The following DAB1 variants were observed in gnomAD, a reference collection of about 807,000 sequenced individuals.
The protein encoded by DAB1 is disabled homolog 1.
A neutral mutation model predicts 64.6 loss-of-function variants in DAB1; 15 were observed. The ratio of observed to expected loss-of-function variants is 0.23; its 90% CI spans 0.16 to 0.36. The LOEUF is 0.36. DAB1 is among the 10% of genes least tolerant of loss of function. DAB1 has a pLI of 1.00. For synonymous variants in DAB1, 235 were observed against 251.9 expected (o/e 0.93, Z 0.64); for missense variants, 596 against 706.7 (o/e 0.84, Z 1.78).
chr1:57,427,109 C>T (rs528525878), upstream of DAB1, among the ~76,000 whole-genome samples: 2 of 152,156 alleles, frequency 1.3e-5, no homozygotes, highest in East Asian at 3.9e-4. Context: ...ATGATCCACC[C>T]GCCTCGGCCT....
intron 2 of DAB1, among the ~76,000 whole-genome samples, chr1:57,285,493 G>A (rs975513859): frequency 6.6e-6 from 1 of 151,862 alleles, no homozygotes; most frequent in Non-Finnish European, 1.5e-5. Context: ...GGTTGGTCTC[G>A]AACACCTGAC....
intron 2 of DAB1, among the ~76,000 whole-genome samples, chr1:57,179,622 T>A (rs1045636099): frequency 5.9e-5 from 9 of 152,140 alleles, no homozygotes; most frequent in African/African-American, 2.2e-4. Flanking sequence ...ATGAACCAAT[T>A]TTTCCCTTGG....
rs145516218 is a variant in DAB1, at chr1:57,720,104, C to T, written n.552-70439G>A. Among the ~76,000 whole-genome samples the T allele has an allele frequency of 7.2e-5, 11 of 152,204 alleles. 1 individual carries two copies. In the East Asian group the frequency reaches 1.7e-3, roughly 24 times the overall value. ...ACTCCTCAAGAATCTCAGAGTTACA[C>T]AAAATTAATAAGACCAGCATACCTA... is the stretch of plus-strand genomic sequence containing the variant. On this transcript the variant is annotated intron_variant and non_coding_transcript_variant, in intron 6 of 20. Transcript: ENST00000485760.
intron 1 of DAB1, among the ~76,000 whole-genome samples, chr1:57,355,941 A>G (rs1474288769): frequency 6.6e-6 from 1 of 151,184 alleles, no homozygotes; most frequent in Non-Finnish European, 1.5e-5. Context: ...TAAGCATGCT[A>G]TTTTAAATTG....
At chr1:57,902,058 G>C (rs1353568267) in intron 5 of DAB1, among the ~76,000 whole-genome samples, 1 of 151,938 alleles carries the variant, frequency 6.6e-6, no homozygotes, top group South Asian at 2.1e-4. Context: ...TTGGGAGGCT[G>C]GGGTGGGAGG....
rs570022973 is a variant in DAB1 at position 57,930,011 on chromosome 1, G to C, written n.388-45849C>G. On this transcript the variant is annotated intron_variant and non_coding_transcript_variant, in intron 5 of 20. Transcript: ENST00000485760. Reference sequence around the variant, plus strand: ...ACAAACATTTAAACCATTACATGAAGCTTTATAGTTGTGAATTTTACATTT... The same window carrying C: ...ACAAACATTTAAACCATTACATGAACCTTTATAGTTGTGAATTTTACATTT... Among the ~76,000 whole-genome samples, 12 of 152,276 alleles carry C rather than the reference G, an allele frequency of 7.9e-5. No homozygotes were observed. In the East Asian group the frequency reaches 2.3e-3, roughly 29 times the overall value.
At chr1:58,322,657 T>C (rs1471577521) in intron 4 of DAB1, among the ~76,000 whole-genome samples, 1 of 152,316 alleles carries the variant, frequency 6.6e-6, no homozygotes, top group Non-Finnish European at 1.5e-5. Flanking sequence ...GTAAACTAGT[T>C]CAACCATTGT....
chr1:57,147,119 C>T (rs2100830802), intron 2 of DAB1, among the ~76,000 whole-genome samples: 2 of 151,736 alleles, frequency 1.3e-5, no homozygotes, highest in East Asian at 2.0e-4. Flanking sequence ...CAGCCACGAC[C>T]TCCCAGGCTC....
intron 5 of DAB1, among the ~76,000 whole-genome samples, chr1:57,892,372 G>T (rs1048050202): frequency 1.3e-5 from 2 of 152,210 alleles, no homozygotes; most frequent in Admixed American, 6.5e-5. Flanking sequence ...AGATGATAAT[G>T]ATAATAGCAA....
At chr1:57,955,479 T>A (rs535727243) in intron 5 of DAB1, among the ~76,000 whole-genome samples, 2 of 152,160 alleles carry the variant, frequency 1.3e-5, no homozygotes, top group South Asian at 4.2e-4. Context: ...ATTTAGATTT[T>A]CCCTAATAGT....
chr1:57,754,151 C>T (rs150072748), intron 6 of DAB1, among the ~76,000 whole-genome samples: 167 of 152,224 alleles, frequency 1.1e-3, no homozygotes, highest in Middle Eastern at 6.8e-3. Flanking sequence ...GCAGATTTGG[C>T]CACAGCTCTG....
At chr1:57,235,555 G>T (rs565936613) in intron 2 of DAB1, among the ~76,000 whole-genome samples, 1 of 152,270 alleles carries the variant, frequency 6.6e-6, no homozygotes, top group East Asian at 1.9e-4. Context: ...ATGGTGGGTG[G>T]AGAGGTAGAT....
intron 3 of DAB1, among the ~76,000 whole-genome samples, chr1:58,503,313 C>T (rs1446689593): frequency 1.3e-5 from 2 of 152,174 alleles, no homozygotes; most frequent in African/African-American, 4.8e-5. Context: ...CTCTTATAGT[C>T]AGTGATCCTC....
At chr1:57,779,143 GAGA>G (rs1477526155) in intron 6 of DAB1, among the ~76,000 whole-genome samples, 6 of 152,138 alleles carry the variant, frequency 3.9e-5, no homozygotes, top group African/African-American at 1.4e-4. Context: ...AGAGAGTAAT[GAGA>G]AGACTGGATT....
At chr1:58,395,188 C>T (rs959729050) in intron 3 of DAB1, among the ~76,000 whole-genome samples, 5 of 152,040 alleles carry the variant, frequency 3.3e-5, no homozygotes, top group East Asian at 1.9e-4. Context: ...GTTTTGTGAG[C>T]GCCACTACTA....
At chr1:57,115,713 A>G (rs1459651892) in intron 4 of DAB1, among the ~76,000 whole-genome samples, 1 of 152,220 alleles carries the variant, frequency 6.6e-6, no homozygotes, top group Non-Finnish European at 1.5e-5. Flanking sequence ...AGGCTCAGGA[A>G]GAAGGCAACA....
At chr1:57,669,535 C>T (rs1437714385) in intron 6 of DAB1, among the ~76,000 whole-genome samples, 1 of 152,150 alleles carries the variant, frequency 6.6e-6, no homozygotes, top group Admixed American at 6.5e-5. Context: ...ATTGGCCTCG[C>T]AATGTATCCG....
intron 5 of DAB1, among the ~76,000 whole-genome samples, chr1:58,082,183 T>G (rs1333364446): frequency 6.6e-6 from 1 of 152,208 alleles, no homozygotes; most frequent in Non-Finnish European, 1.5e-5. Flanking sequence ...TCCTTTATTA[T>G]GATTTTGCAT....
intron 7 of DAB1, among the ~76,000 whole-genome samples, chr1:57,617,234 G>C (rs1281152485): frequency 1.3e-5 from 2 of 151,960 alleles, no homozygotes; most frequent in African/African-American, 4.8e-5. Context: ...CCAGGCTGGG[G>C]GTATGAACCA....
Sources: gnomAD v4.1 joint callset for allele counts (sites outside exome capture counted in the v4.1 genomes callset) on GRCh38, gnomAD v4.1.1 for gene constraint, MANE v1.5 for transcripts, NCBI Gene and HGNC (gene_info 2026-07-23, HGNC 2026-07-21) for gene names.